The following LMO7 variants were observed in gnomAD, a reference collection of about 807,000 sequenced individuals.
LMO7 encodes the protein LIM domain only protein 7.
Under a neutral mutation model 206.5 loss-of-function variants are expected in LMO7, and 120 were observed. The observed-to-expected ratio is 0.58, with a 90% CI of 0.50 to 0.68. The LOEUF (loss-of-function observed/expected upper bound fraction) is 0.68. Among genes scored for constraint, LMO7 ranks in the 30% least tolerant of loss-of-function variants. The probability of loss-of-function intolerance (pLI) is 0.00; values close to 1 mark genes in which losing one functional copy is unlikely to be tolerated. For synonymous variants in LMO7, 706 were observed against 681.5 expected (o/e 1.04, Z -0.56); for missense variants, 1,959 against 1,957.9 (o/e 1.00, Z -0.01).
chr13:75,674,352 T>G (rs1420296010), intron 1 of LMO7, among the ~76,000 whole-genome samples: 2 of 152,206 alleles, frequency 1.3e-5, no homozygotes, highest in African/African-American at 4.8e-5. Context: ...GAATTAACAT[T>G]GCAAAAGAAT....
At chr13:75,650,344 G>T (rs1027925892) in intron 1 of LMO7, among the ~76,000 whole-genome samples, 1 of 151,974 alleles carries the variant, frequency 6.6e-6, no homozygotes, top group African/African-American at 2.4e-5. Context: ...TGGCCAGGAT[G>T]GTCTTGATCT....
At chr13:75,799,151 C>G (rs1354867276) in intron 6 of LMO7, among the ~76,000 whole-genome samples, 1 of 152,182 alleles carries the variant, frequency 6.6e-6, no homozygotes, top group East Asian at 1.9e-4. Flanking sequence ...TCCTTGAAAT[C>G]TACTAGACTT....
intron 2 of LMO7, among the ~76,000 whole-genome samples, chr13:75,623,683 TAATTA>T (rs2033643781): frequency 6.6e-6 from 1 of 151,110 alleles, no homozygotes; most frequent in Admixed American, 6.6e-5. Context: ...AAAAAAAAAA[TAATTA>T]AATTGGTAAT....
chr13:75,762,898 G>C (rs1166500773), intron 4 of LMO7, among the ~76,000 whole-genome samples: 3 of 152,144 alleles, frequency 2.0e-5, no homozygotes, highest in African/African-American at 7.2e-5. Context: ...TCCCAGATGA[G>C]ACACAGGAAA....
At chr13:75,693,552 C>G (rs545603929) in intron 1 of LMO7, among the ~76,000 whole-genome samples, 1 of 152,334 alleles carries the variant, frequency 6.6e-6, no homozygotes. Flanking sequence ...GCTTTTCTGT[C>G]TTCTGACTCC....
At chr13:75,702,733 ATTTTACT>A (rs2042363136) in intron 1 of LMO7, among the ~76,000 whole-genome samples, 1 of 152,210 alleles carries the variant, frequency 6.6e-6, no homozygotes. Flanking sequence ...GAATTGCTTC[ATTTTACT>A]TTTTATATTC....
At chr13:75,641,617 C>T (rs900253807) in intron 1 of LMO7, among the ~76,000 whole-genome samples, 2 of 152,068 alleles carry the variant, frequency 1.3e-5, no homozygotes, top group Non-Finnish European at 2.9e-5. Context: ...CAAGAAATGT[C>T]TTAATGCCTA....
At chr13:75,731,321 G>A (rs1445483248) in intron 3 of LMO7, among the ~76,000 whole-genome samples, 2 of 152,020 alleles carry the variant, frequency 1.3e-5, no homozygotes, top group Non-Finnish European at 2.9e-5. Flanking sequence ...TCCTGTATTG[G>A]GTGCATATAT....
At chr13:75,785,293 T>C (rs2052241088) in intron 4 of LMO7, among the ~76,000 whole-genome samples, 1 of 152,156 alleles carries the variant, frequency 6.6e-6, no homozygotes, top group African/African-American at 2.4e-5. Flanking sequence ...AACAGGGTCT[T>C]GGGAAAGCCT....
intron 3 of LMO7, among the ~76,000 whole-genome samples, chr13:75,739,240 T>G (rs866975450): frequency 6.6e-6 from 1 of 152,240 alleles, no homozygotes; most frequent in Admixed American, 6.5e-5. Context: ...AGCAAAGATA[T>G]TCTAGAAAAT....
chr13:75,724,407 C>A (rs1264497282), intron 2 of LMO7, among the ~76,000 whole-genome samples: 3 of 152,074 alleles, frequency 2.0e-5, no homozygotes, highest in Admixed American at 6.5e-5. Context: ...GAAAAAATGG[C>A]TCCTTGACTG....
At chr13:75,767,732 T>C (rs1017102382) in intron 4 of LMO7, among the ~76,000 whole-genome samples, 2 of 152,056 alleles carry the variant, frequency 1.3e-5, no homozygotes, top group African/African-American at 4.8e-5. Context: ...AACAAGCACA[T>C]TGAGCAGATG....
intron 2 of LMO7, among the ~76,000 whole-genome samples, chr13:75,626,595 A>ATTTTTTTT (rs1240937141): frequency 5.6e-5 from 4 of 71,180 alleles, no homozygotes; most frequent in Middle Eastern, 7.4e-3. Context: ...ATATATATAA[A>ATTTTTTTT]TTTTTTTGAG....
At chr13:75,777,380 T>C (rs540967865) in intron 4 of LMO7, among the ~76,000 whole-genome samples, 1 of 152,356 alleles carries the variant, frequency 6.6e-6, no homozygotes, top group South Asian at 2.1e-4. Context: ...GAAGAAAGTT[T>C]ACCAATGGCA....
intron 1 of LMO7, among the ~76,000 whole-genome samples, chr13:75,705,996 G>A (rs992268462): frequency 5.9e-5 from 9 of 152,162 alleles, no homozygotes; most frequent in Admixed American, 4.6e-4. Flanking sequence ...ATAGTAACAG[G>A]TAATAATAAC....
chr13:75,727,306 A>T (rs1283446340), intron 3 of LMO7, among the ~76,000 whole-genome samples: 2 of 151,636 alleles, frequency 1.3e-5, no homozygotes, highest in African/African-American at 4.8e-5. Context: ...TTATTTATTT[A>T]TTTATTTAAT....
intron 2 of LMO7, among the ~76,000 whole-genome samples, chr13:75,714,037 C>T (rs893211137): frequency 1.3e-5 from 2 of 152,164 alleles, no homozygotes; most frequent in African/African-American, 4.8e-5. Context: ...TTAATTATTT[C>T]AATCTAGACA....
chr13:75,637,972 G>C (rs889761782), intron 1 of LMO7, among the ~76,000 whole-genome samples: 13 of 152,160 alleles, frequency 8.5e-5, no homozygotes, highest in African/African-American at 3.1e-4. Context: ...GCTGTATTTT[G>C]AATTGAAATG....
rs869205095 is a variant in LMO7, at chr13:75,737,455, TA to T, written c.210+10370del. On this transcript the variant is annotated intron_variant, in intron 3 of 30. Coordinates refer to ENST00000377534, the MANE Select transcript of LMO7 (RefSeq NM_001306080.2). ...TACATGTTTTAGTTAATACCTTTTT[TA>T]AAAAAAAAAAAACTTGGCCGGGCGC... is the stretch of plus-strand genomic sequence containing the variant. 4.8e-3 allele frequency among the ~76,000 whole-genome samples: 703 copies of T among 146,432 alleles called. 11 individuals carry two copies. The highest frequency in any genetic ancestry group is 0.015 in the African/African-American group (602 of 39,994).
Sources: allele counts gnomAD v4.1 joint callset (sites outside exome capture counted in the v4.1 genomes callset), GRCh38; gene constraint gnomAD v4.1.1; transcripts MANE v1.5; gene names NCBI Gene and HGNC (gene_info 2026-07-23, HGNC 2026-07-21).